The following AMT variants were observed in gnomAD, a reference collection of about 807,000 sequenced individuals.
The protein encoded by AMT is aminomethyltransferase.
A neutral mutation model predicts 39.5 loss-of-function variants in AMT; 24 were observed. That is an observed-to-expected ratio of 0.61 (90% confidence interval 0.44 to 0.86). AMT has a LOEUF of 0.86. Ranked by LOEUF, AMT falls within the 40% of genes least tolerant of loss-of-function variation. The pLI is 0.00. For synonymous variants in AMT, 210 were observed against 212.1 expected, an observed-to-expected ratio of 0.99 and a Z score of 0.09; for missense variants, 501 against 537.0, an observed-to-expected ratio of 0.93 and a Z score of 0.66.
At chr3:49,418,494 C>CTTTGTTTTTTTTT (rs1553638362) in intron 7 of AMT, 1 of 64,258 alleles carries the variant, frequency 1.6e-5, no homozygotes, top group African/African-American at 6.7e-5. Context: ...TCTTCAGTTT[C>CTTTGTTTTTTTTT]TTTTTTTTTT....
rs1256864780 is a variant in AMT at position 49,421,553 on chromosome 3, T to A, written c.278A>T (p.Asp93Val). 5 of 1,614,068 alleles carry A rather than the reference T, an allele frequency of 3.1e-6. No homozygotes were observed. In the South Asian group the frequency reaches 5.5e-5, roughly 18 times the overall value. Residue 93 changes from aspartate (D) to valine (V), a missense_variant, in exon 3 of 9, where the codon GAC (aspartate) becomes GTC (valine). By Grantham distance (152) the Asp-to-Val change is radical. Transcript: ENST00000273588. ...TAGACTCTCCATCAGCTTCACCCGGTCACTACCAAGTATCTTGGTCTGGGG... is the reference window on the plus strand; with the variant it reads ...TAGACTCTCCATCAGCTTCACCCGGACACTACCAAGTATCTTGGTCTGGGG... Reference protein sequence around the residue: ...HMLQTKILGSDRVKLMESLVV... With the variant: ...HMLQTKILGSVRVKLMESLVV...
intron 7 of AMT, 27 bp downstream of exon 7, chr3:49,418,944 C>T (rs1336363609): frequency 6.2e-7 from 1 of 1,613,068 alleles, no homozygotes; most frequent in South Asian, 1.1e-5. Context: ...CTCCAGGACC[C>T]TATCCTTTAG....
At position 49,416,808 on chromosome 3, in the gene AMT, T is replaced by G; in HGVS notation, c.*732A>C. Reference sequence around the variant, plus strand: ...AGTAAGAAGGAAGTTTAATTTTTTTTTCAGGATTCAGTGGAGTCCATTAAT... The same window carrying G: ...AGTAAGAAGGAAGTTTAATTTTTTTGTCAGGATTCAGTGGAGTCCATTAAT... On this transcript the variant is annotated 3_prime_UTR_variant, in exon 9 of 9. Transcript: ENST00000273588. The G allele has an allele frequency of 2.2e-6, 1 of 451,212 alleles. No homozygotes were observed. The highest frequency in any genetic ancestry group is 7.0e-5 in the East Asian group (1 of 14,328). The allele number at this position is 451,212 out of a possible 1,614,324, so 28.0% of individuals were successfully genotyped here.
chr3:49,419,801 A>G lies in AMT; in HGVS notation c.472-13T>C. On this transcript the variant is annotated splice_polypyrimidine_tract_variant and intron_variant, in intron 4 of 8. Transcript: ENST00000273588. ...CCCTGACCTTGTCCTAAAAGACAGA[A>G]ACACAAGAGCATCTGGGGCCACTTA... 1 of 1,613,858 alleles carries G rather than the reference A, an allele frequency of 6.2e-7. No individual in the cohort carries two copies. The highest frequency in any genetic ancestry group is 8.5e-7 in the Non-Finnish European group (1 of 1,179,786).
chr3:49,419,143 C>T lies in AMT; in HGVS notation c.705G>A (p.Val235=), dbSNP rs1324646911. 8.7e-6 allele frequency: 14 copies of T among 1,613,870 alleles called. No individual in the cohort carries two copies. Among genetic ancestry groups the T allele is most frequent in the Admixed American group, 5.0e-5 (3 of 59,938 alleles). The change falls in exon 7 of 9, where the codon GTG becomes GTA. Residue 235 remains valine (V), a synonymous_variant. Transcript: ENST00000273588. The part of the protein sequence containing the change: ...YTGEDGVEIS[V]PVAGAVHLAT... ...CCAGGTGAACTGCCCCCGCTACCGG[C>T]ACCGAGATCTGTATGAAACACCAGA...
In AMT at chr3:49,417,162, C is replaced by G. The variant is rs769882099; in HGVS notation, c.*378G>C. ...TATTACCCTTTGCAATGTGAAAAAC[C>G]ATGGTGAGGTAGGTTGGGCAGGTTT... On this transcript the variant is annotated 3_prime_UTR_variant, in exon 9 of 9. Coordinates refer to ENST00000273588, the MANE Select transcript of AMT (RefSeq NM_000481.4). 9.5e-7 allele frequency: 1 copy of G among 1,049,760 alleles called. No homozygotes were observed. The highest frequency in any genetic ancestry group is 1.4e-6 in the Non-Finnish European group (1 of 701,214). 65.0% of individuals were successfully genotyped at this position (1,049,760 alleles called of 1,614,324 possible).
At position 49,417,047 on chromosome 3, in the gene AMT, G is replaced by A. The variant is rs2049010214; in HGVS notation, c.*493C>T. ...CACAGGCATAGCAGCCCTACTGTGA[G>A]TCAGCAATCATTCCTGACTTGCAGT... On this transcript the variant is annotated 3_prime_UTR_variant, in exon 9 of 9. Coordinates refer to ENST00000273588, the MANE Select transcript of AMT (RefSeq NM_000481.4). 1 of 596,254 alleles carries A rather than the reference G, an allele frequency of 1.7e-6. No homozygotes were observed. The highest frequency in any genetic ancestry group is 1.8e-5 in the African/African-American group (1 of 54,828). The allele number at this position is 596,254 out of a possible 1,614,324, so 36.9% of individuals were successfully genotyped here. A position where few individuals can be genotyped will look rare whatever the true frequency, so the allele number is the denominator to read the frequency against.
intron 4 of AMT, 93 bp downstream of exon 4, chr3:49,420,118 G>A: frequency 2.6e-6 from 4 of 1,541,346 alleles, no homozygotes; most frequent in Non-Finnish European, 3.6e-6. Flanking sequence ...CCATTTTCCA[G>A]GTCCCTTGTC....
At chr3:49,421,614 C>T (rs772159646) in intron 2 of AMT, 42 bp from the exon 3 acceptor site, 3 of 1,566,988 alleles carry the variant, frequency 1.9e-6, no homozygotes, top group East Asian at 4.5e-5. Context: ...GCAACAGCTA[C>T]AATCCAAAAG....
chr3:49,418,261 C>G, intron 7 of AMT: 1 of 449,980 alleles, frequency 2.2e-6, no homozygotes, highest in South Asian at 2.2e-5. Flanking sequence ...CAGCTCACTG[C>G]AAACTCTGCC....
chr3:49,419,542 C>T lies in AMT; in HGVS notation c.551-137G>A. ...TGGGAGAAGATGCCCTTGTCCCTAG[C>T]CCATGGAGCCTTGTGGTAGGTAGGA... On this transcript the variant is annotated intron_variant, in intron 5 of 8. Transcript: ENST00000273588. 3 of 1,483,450 alleles carry T rather than the reference C, an allele frequency of 2.0e-6. No individual in the cohort carries two copies. The South Asian group carries it at 3.5e-5, about 17-fold the overall frequency. 91.9% of individuals were successfully genotyped at this position (1,483,450 alleles called of 1,614,324 possible). A position where few individuals can be genotyped will look rare whatever the true frequency, so the allele number is the denominator to read the frequency against.
At position 49,417,370 on chromosome 3, in the gene AMT, G is replaced by A; in HGVS notation, c.*170C>T. On this transcript the variant is annotated 3_prime_UTR_variant, in exon 9 of 9. Transcript: ENST00000273588. ...CAGAAGCAGGGTCCTGAAGGAAGCT[G>A]GAATGGCATGAGTTAGGTGGGGGGA... 47 of 1,600,628 alleles carry A rather than the reference G, an allele frequency of 2.9e-5. No individual in the cohort carries two copies. Among genetic ancestry groups the A allele is most frequent in the Non-Finnish European group, 3.8e-5 (45 of 1,177,350 alleles).
In AMT at chr3:49,417,983, GAC is replaced by G; in HGVS notation, c.878-12_878-11del. 6.2e-7 allele frequency: 1 copy of G among 1,600,896 alleles called. No homozygotes were observed. The highest frequency in any genetic ancestry group is 8.5e-7 in the Non-Finnish European group (1 of 1,174,580). ...GCTCGGCGGCGCTTCCCTGGAGAAT[GAC>G]ACATGAGACATAAGCCACAGCCCAT... On this transcript the variant is annotated splice_polypyrimidine_tract_variant and intron_variant, in intron 7 of 8. Transcript: ENST00000273588.
At chr3:49,421,621 A>G in intron 2 of AMT, 49 bp from the exon 3 acceptor site, 3 of 1,532,006 alleles carry the variant, frequency 2.0e-6, no homozygotes, top group Non-Finnish European at 2.7e-6. Context: ...CTACAATCCA[A>G]AAGGCTACTA....
intron 2 of AMT, chr3:49,421,823 C>A: frequency 1.5e-6 from 1 of 674,824 alleles, no homozygotes; most frequent in South Asian, 1.7e-5. Flanking sequence ...CCTTTTCAAA[C>A]CAACATCCAG....
chr3:49,418,681 A>G (rs1343377826), intron 7 of AMT: 6 of 327,050 alleles, frequency 1.8e-5, no homozygotes, highest in African/African-American at 1.1e-4. Flanking sequence ...TTTTTTTTGT[A>G]TTTTTAGTAG....
chr3:49,419,552 C>T, intron 5 of AMT, 147 bp from the exon 6 acceptor site: 1 of 1,469,916 alleles, frequency 6.8e-7, no homozygotes, highest in Non-Finnish European at 9.5e-7. Flanking sequence ...CCCATGGAGC[C>T]TTGTGGTAGG....
intron 7 of AMT, chr3:49,418,494 CTTT>C (rs3049036): frequency 2.2e-3 from 143 of 64,608 alleles, no homozygotes; most frequent in Middle Eastern, 0.021. Flanking sequence ...TCTTCAGTTT[CTTT>C]TTTTTTTTTT....
intron 3 of AMT, 79 bp from the exon 4 acceptor site, chr3:49,420,421 C>A: frequency 6.2e-7 from 1 of 1,604,938 alleles, no homozygotes; most frequent in Non-Finnish European, 8.5e-7. Flanking sequence ...ACCCTGGACC[C>A]ACTTAGTTAC....
Sources: gnomAD v4.1 joint callset for allele counts on GRCh38, gnomAD v4.1.1 for gene constraint, MANE v1.5 for transcripts, NCBI Gene and HGNC (gene_info 2026-07-23, HGNC 2026-07-21) for gene names.